The following SHISA6 variants were observed in gnomAD, a reference collection of about 807,000 sequenced individuals.
The protein encoded by SHISA6 is protein shisa-6.
Under a neutral mutation model 47.9 loss-of-function variants are expected in SHISA6, and 22 were observed. The observed-to-expected ratio is 0.46, with a 90% CI of 0.33 to 0.66. The LOEUF (loss-of-function observed/expected upper bound fraction) is 0.66, where lower values mean the gene tolerates loss of function less well. SHISA6 is among the 30% of genes least tolerant of loss of function. The probability of loss-of-function intolerance (pLI) is 0.02; values close to 1 mark genes in which losing one functional copy is unlikely to be tolerated. For missense variants in SHISA6, 680 were observed against 764.6 expected (o/e 0.89, Z 1.30); for synonymous variants, 388 against 337.8 (o/e 1.15, Z -1.63).
At chr17:11,377,647 T>A (rs1345185191) in intron 2 of SHISA6, among the ~76,000 whole-genome samples, 1 of 152,200 alleles carries the variant, frequency 6.6e-6, no homozygotes, top group Non-Finnish European at 1.5e-5. Context: ...ACTCCACTCT[T>A]CGGAGGAAGA....
At chr17:11,475,652 C>T (rs1178710685) in intron 3 of SHISA6, among the ~76,000 whole-genome samples, 1 of 151,740 alleles carries the variant, frequency 6.6e-6, no homozygotes, top group East Asian at 1.9e-4. Context: ...GTGTATAATC[C>T]TTTTTATACA....
intron 2 of SHISA6, among the ~76,000 whole-genome samples, chr17:11,351,193 C>T (rs539857867): frequency 2.6e-5 from 4 of 152,112 alleles, no homozygotes; most frequent in East Asian, 3.9e-4. Context: ...GTAAGGCATG[C>T]GGGGCTTAAT....
intron 3 of SHISA6, among the ~76,000 whole-genome samples, chr17:11,504,748 C>T (rs2071484079): frequency 6.6e-6 from 1 of 152,164 alleles, no homozygotes; most frequent in Non-Finnish European, 1.5e-5. Context: ...GAAGGACACA[C>T]ACTCCCTCAG....
At chr17:11,315,207 C>T (rs1193029355) in intron 2 of SHISA6, among the ~76,000 whole-genome samples, 1 of 152,068 alleles carries the variant, frequency 6.6e-6, no homozygotes, top group Non-Finnish European at 1.5e-5. Context: ...GGCATTTTAT[C>T]ATTTTTCTTA....
chr17:11,259,571 C>T (rs978880972), intron 1 of SHISA6, among the ~76,000 whole-genome samples: 8 of 152,226 alleles, frequency 5.3e-5, no homozygotes, highest in Admixed American at 4.6e-4. Context: ...CAGGTGGTAA[C>T]ACGTTAAAAT....
intron 2 of SHISA6, among the ~76,000 whole-genome samples, chr17:11,310,814 A>G (rs1175987722): frequency 6.6e-6 from 1 of 152,094 alleles, no homozygotes; most frequent in East Asian, 1.9e-4. Flanking sequence ...CTCTACTAAA[A>G]ATACAAAAAT....
chr17:11,422,297 G>A (rs946586240), intron 3 of SHISA6, among the ~76,000 whole-genome samples: 1 of 152,180 alleles, frequency 6.6e-6, no homozygotes, highest in African/African-American at 2.4e-5. Flanking sequence ...CAACAAAAAT[G>A]AGAGGCAAGA....
intron 3 of SHISA6, among the ~76,000 whole-genome samples, chr17:11,384,219 T>C (rs1913122113): frequency 2.6e-5 from 4 of 152,352 alleles, no homozygotes; most frequent in African/African-American, 9.6e-5. Flanking sequence ...CTGCTCACTG[T>C]GCTATCCTGC....
intron 2 of SHISA6, among the ~76,000 whole-genome samples, chr17:11,357,187 C>CAAAAAAAAAA (rs60564976): frequency 2.2e-5 from 2 of 90,118 alleles, no homozygotes; most frequent in African/African-American, 4.7e-5. Context: ...GACTCCGTCT[C>CAAAAAAAAAA]AAAAAAAAAA....
intron 2 of SHISA6, among the ~76,000 whole-genome samples, chr17:11,330,536 A>G (rs1220955108): frequency 3.3e-5 from 5 of 151,664 alleles, no homozygotes; most frequent in Non-Finnish European, 7.4e-5. Flanking sequence ...TAGGAAAGAC[A>G]GGGAAAAGAC....
intron 1 of SHISA6, among the ~76,000 whole-genome samples, chr17:11,244,276 A>G (rs1907490260): frequency 6.6e-6 from 1 of 152,112 alleles, no homozygotes; most frequent in Non-Finnish European, 1.5e-5. Flanking sequence ...GTCTTGCCTG[A>G]TCAGTGCTTT....
intron 1 of SHISA6, among the ~76,000 whole-genome samples, chr17:11,251,348 A>G (rs1013273828): frequency 8.5e-5 from 13 of 152,050 alleles, no homozygotes; most frequent in African/African-American, 2.7e-4. Context: ...TCAGGAATAT[A>G]TGATATTGGC....
rs141200531 is a variant in SHISA6 at position 11,502,470 on chromosome 17, G to A, written c.896-49426G>A. Among the ~76,000 whole-genome samples, 857 of 144,986 alleles carry A rather than the reference G, an allele frequency of 5.9e-3. 8 individuals are homozygous for A. Among genetic ancestry groups the A allele is most frequent in the African/African-American group, 0.021 (814 of 39,216 alleles). ...CGGCCAGGTGCAGTGGCTCACAGCC[G>A]TAATCCCAGCACTTTGGGAGGCCGA... On this transcript the variant is annotated intron_variant, in intron 3 of 5. Transcript: ENST00000441885.
chr17:11,242,723 C>T (rs1422676097), intron 1 of SHISA6, among the ~76,000 whole-genome samples: 4 of 152,186 alleles, frequency 2.6e-5, no homozygotes, highest in African/African-American at 9.7e-5. Flanking sequence ...TAACAGTACT[C>T]GCCTGTGTTA....
chr17:11,340,951 C>T (rs1376747541), intron 2 of SHISA6, among the ~76,000 whole-genome samples: 2 of 152,192 alleles, frequency 1.3e-5, no homozygotes, highest in Non-Finnish European at 2.9e-5. Flanking sequence ...CTGTGGAGCC[C>T]TGCTGGTTAG....
intron 4 of SHISA6, 144 bp downstream of exon 4, chr17:11,552,096 C>G: frequency 1.3e-6 from 1 of 780,692 alleles, no homozygotes; most frequent in Non-Finnish European, 2.1e-6. Flanking sequence ...GCTCGCCCTC[C>G]TCCAGGGCCA....
intron 3 of SHISA6, among the ~76,000 whole-genome samples, chr17:11,473,811 T>A (rs1915985149): frequency 6.6e-6 from 1 of 152,120 alleles, no homozygotes; most frequent in Non-Finnish European, 1.5e-5. Flanking sequence ...TACATAGGTA[T>A]ACAGGTGCCA....
At chr17:11,474,311 C>G (rs770630445) in intron 3 of SHISA6, among the ~76,000 whole-genome samples, 6 of 151,428 alleles carry the variant, frequency 4.0e-5, no homozygotes, top group Non-Finnish European at 8.8e-5. Context: ...CTCTAATGAT[C>G]AGTGATGATG....
intron 2 of SHISA6, among the ~76,000 whole-genome samples, chr17:11,365,126 C>T (rs958124090): frequency 3.9e-5 from 6 of 152,040 alleles, no homozygotes; most frequent in Non-Finnish European, 8.8e-5. Context: ...CAGAAGCTCT[C>T]GCTCATAAAT....
Sources: allele counts gnomAD v4.1 joint callset (sites outside exome capture counted in the v4.1 genomes callset), GRCh38; gene constraint gnomAD v4.1.1; transcripts MANE v1.5; gene names NCBI Gene and HGNC (gene_info 2026-07-23, HGNC 2026-07-21).